Variants in KIF21A observed in about 807,000 individuals in gnomAD.
KIF21A encodes the protein kinesin-like protein KIF21A.
In KIF21A, 114 loss-of-function variants were observed where a neutral mutation model predicts 202.9. That is an observed-to-expected ratio of 0.56 (90% CI 0.48 to 0.66). The LOEUF (loss-of-function observed/expected upper bound fraction) is 0.66. KIF21A is among the 30% of genes least tolerant of loss of function. The pLI is 0.00. For synonymous variants in KIF21A, 667 were observed against 670.8 expected (o/e 0.99, Z 0.09); for missense variants, 1,677 against 1,994.9 (o/e 0.84, Z 3.04).
chr12:39,371,290 T>C (rs1438404019), intron 1 of KIF21A, among the ~76,000 whole-genome samples: 3 of 152,192 alleles, frequency 2.0e-5, no homozygotes, highest in Admixed American at 6.5e-5. Context: ...GTGAAAGTTC[T>C]AATATCTTCT....
At chr12:39,312,270 A>G (rs1740689013) in intron 31 of KIF21A, 2 of 152,038 alleles carry the variant, frequency 1.3e-5, no homozygotes, top group Non-Finnish European at 2.9e-5. Context: ...TAAGCCAGGC[A>G]CAGAAAGAGA....
At chr12:39,416,609 ATATATATGTACATATATATGTG>A (rs1207265964) in intron 1 of KIF21A, among the ~76,000 whole-genome samples, 24 of 138,724 alleles carry the variant, frequency 1.7e-4, no homozygotes, top group African/African-American at 4.8e-4. Flanking sequence ...ATACATATAT[ATATATATGTACATATATATGTG>A]TATATATATA....
At chr12:39,301,900 T>C (rs989091807) in intron 36 of KIF21A, among the ~76,000 whole-genome samples, 1 of 152,218 alleles carries the variant, frequency 6.6e-6, no homozygotes, top group African/African-American at 2.4e-5. Context: ...TATCAGCATA[T>C]AAGGGCTATA....
chr12:39,405,296 G>A (rs1308715723), intron 1 of KIF21A, among the ~76,000 whole-genome samples: 1 of 152,000 alleles, frequency 6.6e-6, no homozygotes, highest in Non-Finnish European at 1.5e-5. Context: ...AGGTAGCAGT[G>A]AGCCAAGACT....
intron 1 of KIF21A, among the ~76,000 whole-genome samples, chr12:39,415,549 G>A (rs1278981831): frequency 6.6e-6 from 1 of 152,104 alleles, no homozygotes; most frequent in Admixed American, 6.5e-5. Flanking sequence ...GAGCCGCCGC[G>A]CCCGGCCGAG....
intron 23 of KIF21A, 43 bp from the exon 24 acceptor site, chr12:39,330,305 A>C: frequency 6.4e-7 from 1 of 1,574,480 alleles, no homozygotes; most frequent in Non-Finnish European, 8.7e-7. Context: ...GCAATACTCC[A>C]ATCAAAACAG....
intron 17 of KIF21A, 58 bp downstream of exon 17, chr12:39,337,037 TA>T (rs1565838607): frequency 8.3e-7 from 1 of 1,199,188 alleles, no homozygotes; most frequent in Non-Finnish European, 1.2e-6. Context: ...CTCCATTTAT[TA>T]AACAATCTTT....
chr12:39,433,613 G>A (rs1938267221), intron 1 of KIF21A, among the ~76,000 whole-genome samples: 1 of 152,116 alleles, frequency 6.6e-6, no homozygotes, highest in Non-Finnish European at 1.5e-5. Context: ...ATTAGGTTGA[G>A]CAACTAGTAA....
At position 39,442,339 on chromosome 12, in the gene KIF21A, C is replaced by T. The variant is rs939124569; in HGVS notation, c.44+588G>A. Among the ~76,000 whole-genome samples the T allele has an allele frequency of 2.0e-5, 3 of 152,224 alleles. No individual in the cohort carries two copies. The highest frequency in any genetic ancestry group is 6.5e-5 in the Admixed American group (1 of 15,288). On this transcript the variant is annotated intron_variant, in intron 1 of 37. Transcript: ENST00000361418. This position sits in a 1 kb window ranked among gnomAD's most constrained non-coding sequence, Gnocchi z 5.0. The stretch of plus-strand genomic sequence containing the variant: ...AAGAGGCTAGATCTGTCTCCTCTAC[C>T]CACACGCGGGGGCATGTCTAGATCC...
intron 1 of KIF21A, among the ~76,000 whole-genome samples, chr12:39,389,283 TC>T (rs1382307109): frequency 6.6e-6 from 1 of 152,102 alleles, no homozygotes; most frequent in Non-Finnish European, 1.5e-5. Context: ...ATTGTATATG[TC>T]CTTGATGTTT....
intron 1 of KIF21A, among the ~76,000 whole-genome samples, chr12:39,424,456 A>C (rs1954590019): frequency 6.6e-6 from 1 of 152,230 alleles, no homozygotes; most frequent in Admixed American, 6.5e-5. Flanking sequence ...GTTGACTCTC[A>C]AAAGTTTATC....
At chr12:39,438,653 A>G (rs1290107193) in intron 1 of KIF21A, among the ~76,000 whole-genome samples, 2 of 152,222 alleles carry the variant, frequency 1.3e-5, no homozygotes, top group African/African-American at 4.8e-5. Context: ...GGATAGGTAC[A>G]GTTCTCTGAT....
chr12:39,296,007 G>GT (rs1252074978), intron 37 of KIF21A, among the ~76,000 whole-genome samples: 10 of 85,076 alleles, frequency 1.2e-4, no homozygotes, highest in Non-Finnish European at 8.7e-5. Context: ...CTGGGATATG[G>GT]TTTTTTTGTT....
intron 1 of KIF21A, among the ~76,000 whole-genome samples, chr12:39,408,298 G>A (rs1952774629): frequency 6.6e-6 from 1 of 152,064 alleles, no homozygotes. Context: ...CACATGTGCA[G>A]TTCGCAATAA....
intron 7 of KIF21A, among the ~76,000 whole-genome samples, chr12:39,362,337 T>C (rs1187424655): frequency 6.6e-6 from 1 of 152,246 alleles, no homozygotes; most frequent in Non-Finnish European, 1.5e-5. Flanking sequence ...TAGCATCTAA[T>C]AATCTTTTCA....
At chr12:39,390,879 AGT>A (rs1951297718) in intron 1 of KIF21A, among the ~76,000 whole-genome samples, 1 of 152,220 alleles carries the variant, frequency 6.6e-6, no homozygotes, top group South Asian at 2.1e-4. Flanking sequence ...ATGTGACAAA[AGT>A]AAAACATAGA....
intron 29 of KIF21A, 105 bp downstream of exon 29, chr12:39,317,968 A>T: frequency 3.4e-6 from 4 of 1,174,196 alleles, no homozygotes; most frequent in Non-Finnish European, 5.0e-6. Context: ...TTCACACGTC[A>T]GGCTCCATCT....
At chr12:39,432,488 A>G (rs1048729452) in intron 1 of KIF21A, among the ~76,000 whole-genome samples, 17 of 152,336 alleles carry the variant, frequency 1.1e-4, no homozygotes, top group African/African-American at 4.1e-4. Flanking sequence ...CAATAAAGTC[A>G]TGTCAATTAA....
intron 10 of KIF21A, among the ~76,000 whole-genome samples, chr12:39,354,320 AAAG>A (rs1190863563): frequency 6.6e-6 from 1 of 152,188 alleles, no homozygotes; most frequent in Non-Finnish European, 1.5e-5. Context: ...ACCGCTTTTC[AAAG>A]AATAGATAGC....
Sources: allele counts gnomAD v4.1 joint callset (sites outside exome capture counted in the v4.1 genomes callset), GRCh38; gene constraint gnomAD v4.1.1; non-coding constraint Gnocchi (gnomAD v3.1); transcripts MANE v1.5; gene names NCBI Gene and HGNC (gene_info 2026-07-23, HGNC 2026-07-21).